The following RXRG variants were observed in gnomAD, a reference collection of about 807,000 sequenced individuals.
RXRG encodes the protein retinoid X receptor gamma.
A neutral mutation model predicts 49.2 loss-of-function variants in RXRG; 19 were observed. That is an observed-to-expected ratio of 0.39 (90% CI 0.27 to 0.57). The LOEUF is 0.57. Among genes scored for constraint, RXRG ranks in the 20% least tolerant of loss-of-function variants. The pLI is 0.64. For missense variants in RXRG, 452 were observed against 592.5 expected, an observed-to-expected ratio of 0.76 and a Z score of 2.46; for synonymous variants, 224 against 216.6, an observed-to-expected ratio of 1.03 and a Z score of -0.30.
intron 1 of RXRG, among the ~76,000 whole-genome samples, chr1:165,432,631 G>A (rs1224865389): frequency 1.3e-5 from 2 of 152,114 alleles, no homozygotes; most frequent in Non-Finnish European, 2.9e-5. Context: ...AATACCAAAA[G>A]GCACCACAAG....
At chr1:165,420,086 G>A (rs1286562769) in intron 2 of RXRG, 72 bp from the exon 3 acceptor site, 2 of 1,237,830 alleles carry the variant, frequency 1.6e-6, no homozygotes, top group South Asian at 2.4e-5. Flanking sequence ...AGGCAATGAG[G>A]GCTTACTCAA....
chr1:165,428,612 G>A (rs1037224900), intron 2 of RXRG, 107 bp downstream of exon 2: 41 of 1,325,370 alleles, frequency 3.1e-5, no homozygotes, highest in Non-Finnish European at 4.0e-5. Flanking sequence ...CAAACCCTTT[G>A]GCAAGCACGC....
chr1:165,412,915 AG>A (rs910743695), intron 4 of RXRG, among the ~76,000 whole-genome samples: 10 of 152,210 alleles, frequency 6.6e-5, no homozygotes, highest in African/African-American at 2.4e-4. Context: ...TTTTAAAGGT[AG>A]GTTATGAGCT....
chr1:165,429,818 CTT>C (rs1658616474), intron 1 of RXRG, among the ~76,000 whole-genome samples: 1 of 152,162 alleles, frequency 6.6e-6, no homozygotes, highest in African/African-American at 2.4e-5. Context: ...ATCAGTATCA[CTT>C]TCTTCCAATA....
At chr1:165,405,342 C>T (rs1295134757) in intron 9 of RXRG, among the ~76,000 whole-genome samples, 1 of 152,278 alleles carries the variant, frequency 6.6e-6, no homozygotes, top group African/African-American at 2.4e-5. Flanking sequence ...CAGCCAGGTC[C>T]TGACCCCTTG....
At chr1:165,417,559 T>C (rs1331089673) in intron 3 of RXRG, among the ~76,000 whole-genome samples, 1 of 152,206 alleles carries the variant, frequency 6.6e-6, no homozygotes, top group Admixed American at 6.5e-5. Context: ...AACATTAGTG[T>C]AAATAATAAA....
At chr1:165,414,927 A>G (rs1456812860) in intron 4 of RXRG, among the ~76,000 whole-genome samples, 6 of 152,340 alleles carry the variant, frequency 3.9e-5, no homozygotes, top group African/African-American at 9.6e-5. Flanking sequence ...AGTTTAAACT[A>G]TTCATTCAAC....
At chr1:165,424,095 G>T (rs906521877) in intron 2 of RXRG, among the ~76,000 whole-genome samples, 1 of 152,160 alleles carries the variant, frequency 6.6e-6, no homozygotes, top group African/African-American at 2.4e-5. Flanking sequence ...TGACAAAGAT[G>T]CAGTATCAAA....
chr1:165,420,931 C>G (rs1233718134), intron 2 of RXRG, among the ~76,000 whole-genome samples: 2 of 152,178 alleles, frequency 1.3e-5, no homozygotes, highest in Non-Finnish European at 2.9e-5. Context: ...TCGTAATTGT[C>G]CAATAGAAGT....
Position 165,438,355 on chromosome 1 carries a change from T to TA in RXRG, c.49+6489dup, listed in dbSNP as rs67258951. On this transcript the variant is annotated intron_variant, in intron 1 of 9. Transcript: ENST00000359842. The stretch of plus-strand genomic sequence containing the variant: ...TAAGTATAAGGCAAATATTCCAAAA[T>TA]AAAAAAAAAATCCCAAATCCAAAAC... 2.7e-3 allele frequency among the ~76,000 whole-genome samples: 386 copies of TA among 143,612 alleles called. 1 individual carries two copies. Among genetic ancestry groups the TA allele is most frequent in the African/African-American group, 8.5e-3 (338 of 39,982 alleles). 94.2% of individuals were successfully genotyped at this position (143,612 alleles called of 152,430 possible).
chr1:165,434,878 G>T (rs1378556323), intron 1 of RXRG, among the ~76,000 whole-genome samples: 1 of 152,222 alleles, frequency 6.6e-6, no homozygotes, highest in Non-Finnish European at 1.5e-5. Context: ...ATGCTGCTGA[G>T]CAAGGTCGGC....
At position 165,417,107 on chromosome 1, in the gene RXRG, G is replaced by A. The variant is rs1658149988; in HGVS notation, c.556C>T (p.Arg186Cys). The A allele has an allele frequency of 1.2e-6, 2 of 1,614,182 alleles. No homozygotes were observed. The highest frequency in any genetic ancestry group is 1.1e-5 in the South Asian group (1 of 91,082). ...CAGTACTGGCAGCGGTTGCGCTGAC[G>A]CTTGTCAATGAGGCAGTCTTTATTA... Reference protein sequence around the residue: ...RDNKDCLIDKRQRNRCQYCRY... With the variant: ...RDNKDCLIDKCQRNRCQYCRY... The change falls in exon 4 of 10, where the codon CGT becomes TGT. Residue 186 changes from arginine to cysteine, a missense_variant. Around this residue, in one of 2 missense-constraint regions of RXRG, gnomAD observed 286 missense variants for 440.9 expected, o/e 0.65. Coordinates refer to ENST00000359842, the MANE Select transcript of RXRG (RefSeq NM_006917.5).
intron 3 of RXRG, among the ~76,000 whole-genome samples, chr1:165,419,329 C>T (rs778804008): frequency 2.6e-5 from 4 of 151,438 alleles, no homozygotes; most frequent in Non-Finnish European, 5.9e-5. Flanking sequence ...TTTTCTAGTT[C>T]GTTCAAATCC....
chr1:165,436,992 C>A (rs890603061), intron 1 of RXRG: 5 of 1,133,264 alleles, frequency 4.4e-6, no homozygotes, highest in Non-Finnish European at 4.4e-6. Flanking sequence ...GGAAACAAAG[C>A]ACTTAATGAA....
In RXRG at chr1:165,411,049, G is replaced by A. The variant is rs199977692; in HGVS notation, c.683C>T (p.Thr228Ile). Reference protein sequence around the residue: ...ERAESEAECATSGHEDMPVER... With the variant: ...ERAESEAECAISGHEDMPVER... Reference sequence around the variant, plus strand: ...CACAGGCATGTCTTCATGACCACTGGTAGCACATTCTGCCTCACTCTCAGC... The same window carrying A: ...CACAGGCATGTCTTCATGACCACTGATAGCACATTCTGCCTCACTCTCAGC... Residue 228 changes from threonine to isoleucine, a missense_variant, in exon 5 of 10, where the codon ACC becomes ATC. By Grantham distance (89) the Thr-to-Ile change is moderately conservative. Coordinates refer to ENST00000359842, the MANE Select transcript of RXRG (RefSeq NM_006917.5). 4 of 1,613,986 alleles carry A rather than the reference G, an allele frequency of 2.5e-6. No homozygotes were observed. The highest frequency in any genetic ancestry group is 3.4e-6 in the Non-Finnish European group (4 of 1,180,004).
intron 9 of RXRG, among the ~76,000 whole-genome samples, chr1:165,404,831 TCAC>T (rs1463112585): frequency 1.3e-5 from 2 of 152,190 alleles, no homozygotes; most frequent in Non-Finnish European, 2.9e-5. Context: ...TGATCTCAGC[TCAC>T]CACAACCTCC....
chr1:165,431,512 C>T (rs1156821587), intron 1 of RXRG, among the ~76,000 whole-genome samples: 1 of 152,228 alleles, frequency 6.6e-6, no homozygotes, highest in Non-Finnish European at 1.5e-5. Context: ...GCCATAAACT[C>T]CACTGAGAAG....
chr1:165,411,200 CTATGAAAGGGGAATCAT>C (rs2101711393), intron 4 of RXRG, 91 bp from the exon 5 acceptor site: 1 of 1,269,582 alleles, frequency 7.9e-7, no homozygotes, highest in East Asian at 2.4e-5. Flanking sequence ...ATTTACTCAT[CTATGAAAGGGGAATCAT>C]TATGATCCTG....
At chr1:165,421,867 A>C (rs1658328871) in intron 2 of RXRG, among the ~76,000 whole-genome samples, 1 of 152,180 alleles carries the variant, frequency 6.6e-6, no homozygotes, top group South Asian at 2.1e-4. Context: ...AGATGACATT[A>C]ATGTGCATCC....
Sources: allele counts gnomAD v4.1 joint callset (sites outside exome capture counted in the v4.1 genomes callset), GRCh38; gene constraint gnomAD v4.1.1; regional missense constraint gnomAD v4.1.1; transcripts MANE v1.5; gene names NCBI Gene and HGNC (gene_info 2026-07-23, HGNC 2026-07-21).